TAFA1: variants seen among roughly 807,000 people sequenced by gnomAD.
The protein encoded by TAFA1 is chemokine-like protein TAFA-1.
A neutral mutation model predicts 18.5 loss-of-function variants in TAFA1; 4 were observed. That is an observed-to-expected ratio of 0.22 (90% CI 0.11 to 0.49). The LOEUF (loss-of-function observed/expected upper bound fraction) is 0.49. TAFA1 is among the 20% of genes least tolerant of loss of function. The pLI, the probability that TAFA1 is intolerant of heterozygous loss-of-function variation, is 0.98. For missense variants in TAFA1, 147 were observed against 169.0 expected (o/e 0.87, Z 0.72); for synonymous variants, 56 against 55.2 (o/e 1.01, Z -0.06).
At chr3:68,024,115 G>T (rs187732527) in intron 2 of TAFA1, among the ~76,000 whole-genome samples, 1 of 152,230 alleles carries the variant, frequency 6.6e-6, no homozygotes, top group Non-Finnish European at 1.5e-5. Context: ...TCAGTAAGTA[G>T]GTGATATTTT....
chr3:68,062,507 C>A (rs899648780), intron 2 of TAFA1, among the ~76,000 whole-genome samples: 1 of 152,128 alleles, frequency 6.6e-6, no homozygotes, highest in Non-Finnish European at 1.5e-5. Flanking sequence ...AAATAAACAG[C>A]AAGAACAAAG....
At chr3:68,060,224 C>G (rs1485986445) in intron 2 of TAFA1, among the ~76,000 whole-genome samples, 4 of 129,294 alleles carry the variant, frequency 3.1e-5, no homozygotes, top group East Asian at 5.0e-4. Flanking sequence ...GTGTGTGTGT[C>G]TTTCAGAATC....
chr3:68,536,124 C>A (rs1575960258), intron 3 of TAFA1, among the ~76,000 whole-genome samples: 1 of 152,094 alleles, frequency 6.6e-6, no homozygotes, highest in East Asian at 1.9e-4. Context: ...TCTTTCCTCA[C>A]TACATAATAA....
At chr3:68,331,856 CT>C (rs60291932) in intron 2 of TAFA1, among the ~76,000 whole-genome samples, 787 of 76,168 alleles carry the variant, frequency 0.01, no homozygotes, top group African/African-American at 0.022. Flanking sequence ...CTTTTCTTTT[CT>C]TTTTTTTTTT....
chr3:68,530,138 T>C (rs1442059834), intron 3 of TAFA1, among the ~76,000 whole-genome samples: 20 of 152,212 alleles, frequency 1.3e-4, no homozygotes. Context: ...AGGTAATGTT[T>C]TGATAAACAT....
At chr3:68,450,593 G>A (rs188472808) in intron 3 of TAFA1, among the ~76,000 whole-genome samples, 3 of 152,300 alleles carry the variant, frequency 2.0e-5, no homozygotes, top group Admixed American at 1.3e-4. Flanking sequence ...CTGCACAAGA[G>A]TGAAAAGAAT....
At chr3:68,360,538 T>C (rs1373647462) in intron 2 of TAFA1, among the ~76,000 whole-genome samples, 1 of 151,866 alleles carries the variant, frequency 6.6e-6, no homozygotes, top group Admixed American at 6.6e-5. Context: ...ACTCGGTGGT[T>C]ATGTCATTTA....
chr3:68,461,282 A>AAAACAAACAAAC (rs3037407), intron 3 of TAFA1, among the ~76,000 whole-genome samples: 17 of 140,212 alleles, frequency 1.2e-4, no homozygotes, highest in South Asian at 4.8e-4. Context: ...ACTCTGCCAA[A>AAAACAAACAAAC]AAACAAACAA....
chr3:68,396,432 G>T (rs1443657287), intron 2 of TAFA1, among the ~76,000 whole-genome samples: 1 of 151,954 alleles, frequency 6.6e-6, no homozygotes, highest in Non-Finnish European at 1.5e-5. Flanking sequence ...AGCACTACAG[G>T]TTACTCTTGT....
At chr3:68,080,566 C>T (rs1055754152) in intron 2 of TAFA1, among the ~76,000 whole-genome samples, 11 of 152,106 alleles carry the variant, frequency 7.2e-5, no homozygotes, top group African/African-American at 2.7e-4. Flanking sequence ...TTCTCCTTTG[C>T]TTATGAAGCA....
At chr3:68,342,494 A>C (rs529779691) in intron 2 of TAFA1, among the ~76,000 whole-genome samples, 2 of 152,332 alleles carry the variant, frequency 1.3e-5, no homozygotes, top group East Asian at 1.9e-4. Context: ...TCTCTTAACT[A>C]TACAAATCCT....
chr3:68,441,620 A>G (rs1295916634), intron 3 of TAFA1, among the ~76,000 whole-genome samples: 1 of 152,134 alleles, frequency 6.6e-6, no homozygotes, highest in African/African-American at 2.4e-5. Flanking sequence ...TGATATATAC[A>G]TGATCGGGCT....
chr3:68,265,080 A>T (rs1022281269), intron 2 of TAFA1, among the ~76,000 whole-genome samples: 1 of 152,250 alleles, frequency 6.6e-6, no homozygotes, highest in Non-Finnish European at 1.5e-5. Flanking sequence ...AAAGCAAGAT[A>T]TGTGTTCAAT....
intron 2 of TAFA1, among the ~76,000 whole-genome samples, chr3:68,381,321 CT>C (rs996909118): frequency 6.6e-5 from 10 of 151,006 alleles, no homozygotes; most frequent in Non-Finnish European, 1.2e-4. Flanking sequence ...TCATTGGTAG[CT>C]TGATGGGGAT....
intron 2 of TAFA1, among the ~76,000 whole-genome samples, chr3:68,172,790 T>C (rs1479416133): frequency 2.0e-5 from 3 of 152,130 alleles, no homozygotes; most frequent in Non-Finnish European, 4.4e-5. Context: ...ATAGATTATT[T>C]ATTGATTAAA....
intron 2 of TAFA1, among the ~76,000 whole-genome samples, chr3:68,098,186 C>T (rs2065109088): frequency 6.6e-6 from 1 of 151,982 alleles, no homozygotes; most frequent in Admixed American, 6.6e-5. Context: ...TGATGGAAGT[C>T]AATAATTGAA....
intron 2 of TAFA1, among the ~76,000 whole-genome samples, chr3:68,324,318 T>C (rs1232149409): frequency 6.6e-6 from 1 of 152,210 alleles, no homozygotes; most frequent in African/African-American, 2.4e-5. Context: ...TGGCCATAGA[T>C]GTTAGATGCT....
At chr3:68,142,847 G>A (rs1219318429) in intron 2 of TAFA1, among the ~76,000 whole-genome samples, 3 of 152,062 alleles carry the variant, frequency 2.0e-5, no homozygotes, top group Non-Finnish European at 4.4e-5. Flanking sequence ...GGAAAGCAAA[G>A]CAACATTCAC....
intron 3 of TAFA1, among the ~76,000 whole-genome samples, chr3:68,523,000 C>T (rs1486476380): frequency 1.3e-5 from 2 of 152,314 alleles, no homozygotes; most frequent in African/African-American, 2.4e-5. Flanking sequence ...TGCTTGAACC[C>T]GGGAGGCGGA....
Sources: gnomAD v4.1 joint callset for allele counts (sites outside exome capture counted in the v4.1 genomes callset) on GRCh38, gnomAD v4.1.1 for gene constraint, MANE v1.5 for transcripts, NCBI Gene and HGNC (gene_info 2026-07-23, HGNC 2026-07-21) for gene names.